The following THSD7A variants were observed in gnomAD, a reference collection of about 807,000 sequenced individuals.
THSD7A encodes the protein thrombospondin type 1 domain containing 7A, also known as thrombospondin type-1 domain-containing protein 7A.
In THSD7A, 96 loss-of-function variants were observed where a neutral mutation model predicts 231.3. The observed-to-expected ratio is 0.41, with a 90% CI of 0.35 to 0.49. THSD7A has a LOEUF of 0.49. Among genes scored for constraint, THSD7A ranks in the 20% least tolerant of loss-of-function variants. The pLI is 0.05. For synonymous variants in THSD7A, 940 were observed against 743.3 expected (o/e 1.26, Z -4.30); for missense variants, 2,290 against 2,070.2 (o/e 1.11, Z -2.06).
At chr7:11,797,903 C>T (rs550624451) in intron 1 of THSD7A, among the ~76,000 whole-genome samples, 1 of 152,010 alleles carries the variant, frequency 6.6e-6, no homozygotes, top group Admixed American at 6.6e-5. Context: ...CATCTAGTTG[C>T]ATTTAATTTA....
chr7:11,462,198 A>G, intron 9 of THSD7A, 55 bp from the exon 10 acceptor site: 2 of 1,588,284 alleles, frequency 1.3e-6, no homozygotes, highest in Non-Finnish European at 8.6e-7. Flanking sequence ...GATAATCTCT[A>G]AATACCAGTC....
At chr7:11,685,825 T>A (rs1780030314) in intron 1 of THSD7A, among the ~76,000 whole-genome samples, 1 of 151,914 alleles carries the variant, frequency 6.6e-6, no homozygotes, top group African/African-American at 2.4e-5. Context: ...CTCAAAGAAC[T>A]AAAAATAGAA....
At chr7:11,808,062 T>C (rs1784442041) in intron 1 of THSD7A, among the ~76,000 whole-genome samples, 1 of 152,094 alleles carries the variant, frequency 6.6e-6, no homozygotes, top group Non-Finnish European at 1.5e-5. Flanking sequence ...TCTATACATT[T>C]TTCCATACAC....
intron 11 of THSD7A, among the ~76,000 whole-genome samples, chr7:11,459,348 A>G (rs1052179457): frequency 6.6e-6 from 1 of 152,086 alleles, no homozygotes; most frequent in African/African-American, 2.4e-5. Context: ...TAGAACCCAA[A>G]ATATATGCAA....
At chr7:11,514,064 G>C (rs1787928092) in intron 6 of THSD7A, among the ~76,000 whole-genome samples, 1 of 151,448 alleles carries the variant, frequency 6.6e-6, no homozygotes, top group African/African-American at 2.4e-5. Flanking sequence ...CCTCCATTTG[G>C]CATTCAATCC....
intron 4 of THSD7A, among the ~76,000 whole-genome samples, chr7:11,546,765 A>G (rs185675528): frequency 1.1e-4 from 17 of 152,324 alleles, no homozygotes; most frequent in Non-Finnish European, 2.1e-4. Flanking sequence ...CTGGATGGCA[A>G]TGAAGATCAC....
At chr7:11,678,304 C>A (rs1245657644) in intron 1 of THSD7A, among the ~76,000 whole-genome samples, 1 of 152,018 alleles carries the variant, frequency 6.6e-6, no homozygotes, top group Non-Finnish European at 1.5e-5. Context: ...CAAGAGCAAA[C>A]AAATCCAAAA....
chr7:11,393,865 G>A (rs1000044154), intron 23 of THSD7A, among the ~76,000 whole-genome samples: 4 of 152,092 alleles, frequency 2.6e-5, no homozygotes, highest in Non-Finnish European at 5.9e-5. Flanking sequence ...ATGGGACTAT[G>A]TGAAAAGACT....
intron 4 of THSD7A, among the ~76,000 whole-genome samples, chr7:11,570,366 G>C (rs1015221834): frequency 6.6e-6 from 1 of 151,994 alleles, no homozygotes; most frequent in African/African-American, 2.4e-5. Context: ...GGAAAGAGGG[G>C]GATGAGAAGA....
At chr7:11,440,592 G>C (rs111570688) in intron 13 of THSD7A, among the ~76,000 whole-genome samples, 1 of 152,012 alleles carries the variant, frequency 6.6e-6, no homozygotes, top group Non-Finnish European at 1.5e-5. Context: ...GGATGACTTT[G>C]AGGGGGTTCA....
chr7:11,535,285 T>A (rs972787032), intron 6 of THSD7A, among the ~76,000 whole-genome samples: 4 of 152,104 alleles, frequency 2.6e-5, no homozygotes, highest in Non-Finnish European at 5.9e-5. Context: ...TAAAAAAGTA[T>A]TTTTTACTAA....
At chr7:11,618,325 A>G (rs967946910) in intron 2 of THSD7A, among the ~76,000 whole-genome samples, 5 of 152,212 alleles carry the variant, frequency 3.3e-5, no homozygotes, top group African/African-American at 1.2e-4. Context: ...ATACACACAT[A>G]TTGTATATAC....
At chr7:11,572,524 T>G (rs986099925) in intron 4 of THSD7A, among the ~76,000 whole-genome samples, 1 of 152,084 alleles carries the variant, frequency 6.6e-6, no homozygotes, top group African/African-American at 2.4e-5. Flanking sequence ...AGTTTCTTTT[T>G]GGGGGGACAG....
intron 1 of THSD7A, among the ~76,000 whole-genome samples, chr7:11,679,522 T>C (rs768193290): frequency 6.6e-6 from 1 of 152,132 alleles, no homozygotes; most frequent in Non-Finnish European, 1.5e-5. Context: ...AAAATCAATA[T>C]GCATAAATCA....
chr7:11,720,109 C>T (rs376283746), intron 1 of THSD7A, among the ~76,000 whole-genome samples: 2 of 151,608 alleles, frequency 1.3e-5, no homozygotes, highest in African/African-American at 4.8e-5. Context: ...GACAGGGGTA[C>T]GATATAAATA....
chr7:11,451,358 T>G (rs1385270672), intron 11 of THSD7A, among the ~76,000 whole-genome samples: 1 of 151,994 alleles, frequency 6.6e-6, no homozygotes, highest in Admixed American at 6.6e-5. Context: ...AATGCTATTG[T>G]TATGTTAAAA....
chr7:11,427,567 A>T (rs1445195019), intron 14 of THSD7A, among the ~76,000 whole-genome samples: 1 of 152,188 alleles, frequency 6.6e-6, no homozygotes, highest in African/African-American at 2.4e-5. Flanking sequence ...ACAGATTTTA[A>T]TTGCATATCT....
At chr7:11,717,456 C>T (rs562502828) in intron 1 of THSD7A, among the ~76,000 whole-genome samples, 1 of 151,782 alleles carries the variant, frequency 6.6e-6, no homozygotes, top group Non-Finnish European at 1.5e-5. Flanking sequence ...CACCACCTCA[C>T]CCTCCATTTT....
At chr7:11,752,730 A>C (rs1782541656) in intron 1 of THSD7A, among the ~76,000 whole-genome samples, 1 of 151,994 alleles carries the variant, frequency 6.6e-6, no homozygotes, top group Non-Finnish European at 1.5e-5. Flanking sequence ...ACAGTGGGCA[A>C]TATAATGATA....
Sources: allele counts gnomAD v4.1 joint callset (sites outside exome capture counted in the v4.1 genomes callset), GRCh38; gene constraint gnomAD v4.1.1; transcripts MANE v1.5; gene names NCBI Gene and HGNC (gene_info 2026-07-23, HGNC 2026-07-21).